Variants in PIGU observed in about 807,000 individuals in gnomAD.
The protein encoded by PIGU is phosphatidylinositol glycan anchor biosynthesis class U, also known as GPI-anchor transamidase component PIGU.
PIGU carries 24 observed loss-of-function variants against 49.9 expected under a neutral mutation model. That is an observed-to-expected ratio of 0.48 (90% CI 0.35 to 0.68). PIGU has a LOEUF of 0.68. Among genes scored for constraint, PIGU ranks in the 30% least tolerant of loss-of-function variants. The pLI is 0.01. For synonymous variants in PIGU, 220 were observed against 205.7 expected, an observed-to-expected ratio of 1.07 and a Z score of -0.59; for missense variants, 490 against 532.6, an observed-to-expected ratio of 0.92 and a Z score of 0.79.
chr20:34,634,545 A>G, intron 6 of PIGU, 70 bp downstream of exon 6: 1 of 1,466,270 alleles, frequency 6.8e-7, no homozygotes, highest in South Asian at 1.5e-5. Flanking sequence ...AAACAAAACC[A>G]CAGCACAAGT....
chr20:34,659,225 G>T (rs1600667776), intron 1 of PIGU, among the ~76,000 whole-genome samples: 1 of 145,366 alleles, frequency 6.9e-6, no homozygotes, highest in African/African-American at 2.5e-5. Context: ...CCCCCGCCCG[G>T]CCAGCCGCCC....
intron 7 of PIGU, among the ~76,000 whole-genome samples, chr20:34,592,631 A>C (rs1303464326): frequency 1.3e-5 from 2 of 152,186 alleles, no homozygotes; most frequent in East Asian, 1.9e-4. Context: ...ACTAAAAAGA[A>C]GTGGAGATCA....
At chr20:34,600,893 A>T (rs1984390156) in intron 7 of PIGU, among the ~76,000 whole-genome samples, 1 of 151,946 alleles carries the variant, frequency 6.6e-6, no homozygotes, top group Admixed American at 6.6e-5. Context: ...AATTAGCCAG[A>T]CGTGGTGGCA....
chr20:34,646,554 G>A (rs111495513), intron 2 of PIGU, among the ~76,000 whole-genome samples: 3 of 151,600 alleles, frequency 2.0e-5, no homozygotes, highest in African/African-American at 7.3e-5. Flanking sequence ...GATTACAGGC[G>A]CCTGCCACCA....
intron 7 of PIGU, among the ~76,000 whole-genome samples, chr20:34,615,142 C>A (rs1984959496): frequency 1.3e-5 from 2 of 152,186 alleles, no homozygotes; most frequent in South Asian, 4.1e-4. Flanking sequence ...TCTAATATGG[C>A]TAACACTAGA....
intron 2 of PIGU, among the ~76,000 whole-genome samples, chr20:34,649,159 G>T (rs911823115): frequency 6.6e-6 from 1 of 151,960 alleles, no homozygotes; most frequent in African/African-American, 2.4e-5. Flanking sequence ...GAGCCACCAC[G>T]CCCGGTCTGT....
intron 2 of PIGU, among the ~76,000 whole-genome samples, chr20:34,654,375 A>G (rs1459381753): frequency 9.1e-6 from 1 of 110,400 alleles, no homozygotes; most frequent in African/African-American, 3.3e-5. Flanking sequence ...AGGCAGGACA[A>G]TCACTTGAAT....
In PIGU at chr20:34,625,098, G is replaced by A. The variant is rs1411228199; in HGVS notation, c.530-8959C>T. 3.3e-5 allele frequency among the ~76,000 whole-genome samples: 5 copies of A among 151,626 alleles called. No individual in the cohort carries two copies. In the East Asian group the frequency reaches 9.6e-4, roughly 29 times the overall value. ...GGAAAAAAAACATATGAGGCCGGGC[G>A]TGGTGGCTCACGCATGTAATCCCAG... On this transcript the variant is annotated intron_variant, in intron 6 of 11. Transcript: ENST00000217446.
intron 10 of PIGU, among the ~76,000 whole-genome samples, chr20:34,580,356 G>A (rs1983406570): frequency 6.6e-6 from 1 of 152,220 alleles, no homozygotes; most frequent in Admixed American, 6.5e-5. Flanking sequence ...CAGGCCAGAT[G>A]GGTCACAGCC....
chr20:34,596,383 T>C (rs1019047566), intron 7 of PIGU, among the ~76,000 whole-genome samples: 1 of 152,124 alleles, frequency 6.6e-6, no homozygotes, highest in Non-Finnish European at 1.5e-5. Flanking sequence ...AAAAATAGCC[T>C]CAGTAGAAAA....
chr20:34,598,449 GA>G (rs1984285318), intron 7 of PIGU, among the ~76,000 whole-genome samples: 1 of 152,206 alleles, frequency 6.6e-6, no homozygotes, highest in Non-Finnish European at 1.5e-5. Context: ...TAACAGTTGA[GA>G]AAAATGTTTC....
intron 4 of PIGU, among the ~76,000 whole-genome samples, chr20:34,640,495 ACG>A (rs5841175): frequency 0.48 from 56,915 of 119,158 alleles, 11,149 homozygotes; most frequent in Admixed American, 0.64. Flanking sequence ...ACATGTGCGC[ACG>A]CGCACACACA....
intron 7 of PIGU, among the ~76,000 whole-genome samples, chr20:34,613,310 T>C (rs933616074): frequency 6.6e-6 from 1 of 152,196 alleles, no homozygotes; most frequent in Non-Finnish European, 1.5e-5. Flanking sequence ...CATCCTTCAA[T>C]TGCTTTATGT....
At chr20:34,641,419 TC>T (rs1237612984) in intron 4 of PIGU, among the ~76,000 whole-genome samples, 1 of 152,158 alleles carries the variant, frequency 6.6e-6, no homozygotes, top group Non-Finnish European at 1.5e-5. Context: ...GTTTTTATCA[TC>T]CATTATCAAA....
chr20:34,634,867 G>C, intron 5 of PIGU, 152 bp from the exon 6 acceptor site: 1 of 1,357,846 alleles, frequency 7.4e-7, no homozygotes, highest in South Asian at 1.5e-5. Context: ...AGAATAGAGT[G>C]GGGGTTGAGG....
intron 4 of PIGU, among the ~76,000 whole-genome samples, chr20:34,642,005 G>A (rs974626815): frequency 2.6e-5 from 4 of 152,048 alleles, no homozygotes; most frequent in African/African-American, 4.8e-5. Flanking sequence ...TGACAACACC[G>A]TTTGGCTTTC....
chr20:34,616,052 T>C lies in PIGU; in HGVS notation c.617A>G (p.Tyr206Cys), dbSNP rs138389505. ...CCAGCAAGTGCTTACCTGGAGGAGA[T>C]AGAGGAGTCCTGGGACAAACAAGGT... ...PLTLFVPGLL[Y>C]LLQRQYIPVK... The change falls in exon 7 of 12, where the codon TAT becomes TGT. Residue 206 changes from tyrosine to cysteine, a missense_variant. Transcript: ENST00000217446. The C allele has an allele frequency of 9.9e-6, 16 of 1,610,630 alleles. No individual in the cohort carries two copies. The highest frequency in any genetic ancestry group is 1.6e-4 in the Middle Eastern group (1 of 6,080).
intron 1 of PIGU, among the ~76,000 whole-genome samples, 146 bp downstream of exon 1, chr20:34,676,797 AGCCCCGCCCTCAG>A (rs1221460290): frequency 1.1e-5 from 1 of 87,498 alleles, no homozygotes; most frequent in Non-Finnish European, 2.4e-5. Context: ...TCCCCTCACC[AGCCCCGCCCTCAG>A]GCCCCGCCCT....
intron 4 of PIGU, among the ~76,000 whole-genome samples, chr20:34,638,626 G>A (rs1986045319): frequency 6.6e-6 from 1 of 152,220 alleles, no homozygotes; most frequent in Admixed American, 6.5e-5. Context: ...GTCAAGCAAG[G>A]TAGAATGATC....
Sources: gnomAD v4.1 joint callset for allele counts (sites outside exome capture counted in the v4.1 genomes callset) on GRCh38, gnomAD v4.1.1 for gene constraint, MANE v1.5 for transcripts, NCBI Gene and HGNC (gene_info 2026-07-23, HGNC 2026-07-21) for gene names.